Variants in RALYL observed in about 807,000 individuals in gnomAD.
RALYL encodes RNA-binding Raly-like protein.
In RALYL, 29 loss-of-function variants were observed where a neutral mutation model predicts 35.1. The observed-to-expected ratio is 0.83, with a 90% CI of 0.61 to 1.13. The LOEUF (loss-of-function observed/expected upper bound fraction) is 1.13. RALYL is among the 50% of genes most tolerant of loss of function. The probability of loss-of-function intolerance (pLI) is 0.00; values close to 1 mark genes in which losing one functional copy is unlikely to be tolerated. For missense variants in RALYL, 359 were observed against 360.4 expected (o/e 1.00, Z 0.03); for synonymous variants, 120 against 127.6 (o/e 0.94, Z 0.40).
intron 1 of RALYL, among the ~76,000 whole-genome samples, chr8:84,507,372 C>G (rs142247321): frequency 8.1e-4 from 123 of 151,818 alleles, no homozygotes; most frequent in African/African-American, 2.9e-3. Context: ...TACTAGATAC[C>G]AAAGTATAAT....
intron 1 of RALYL, among the ~76,000 whole-genome samples, chr8:84,330,762 C>T (rs1345096514): frequency 6.6e-6 from 1 of 152,040 alleles, no homozygotes; most frequent in African/African-American, 2.4e-5. Flanking sequence ...CATACTTTTT[C>T]AAACTGTGGG....
intron 1 of RALYL, among the ~76,000 whole-genome samples, chr8:84,408,325 GA>G (rs893053866): frequency 2.4e-4 from 37 of 151,970 alleles, no homozygotes; most frequent in Non-Finnish European, 4.7e-4. Context: ...AGGTTACTTA[GA>G]AAAAAACCTA....
At chr8:84,533,625 T>C (rs142785210) in intron 2 of RALYL, among the ~76,000 whole-genome samples, 2 of 152,316 alleles carry the variant, frequency 1.3e-5, no homozygotes, top group East Asian at 1.9e-4. Context: ...ATTTTTGTTC[T>C]GAAACCCATA....
intron 2 of RALYL, among the ~76,000 whole-genome samples, chr8:84,534,265 C>T (rs2059456117): frequency 6.6e-6 from 1 of 152,240 alleles, no homozygotes; most frequent in Non-Finnish European, 1.5e-5. Context: ...CCCTATGAAG[C>T]TCTGCACCAC....
chr8:84,465,149 G>C (rs1171621135), intron 1 of RALYL, among the ~76,000 whole-genome samples: 1 of 135,310 alleles, frequency 7.4e-6, no homozygotes, highest in Non-Finnish European at 1.6e-5. Flanking sequence ...AGTTTAATTA[G>C]ATCCCATTTG....
At position 84,541,131 on chromosome 8, in the gene RALYL, T is replaced by C. The variant is rs75332694; in HGVS notation, c.256+11554T>C. Among the ~76,000 whole-genome samples, 516 of 151,984 alleles carry C rather than the reference T, an allele frequency of 3.4e-3. 12 individuals are homozygous for C. In the East Asian group the frequency reaches 0.069, roughly 20 times the overall value. On this transcript the variant is annotated intron_variant, in intron 2 of 8. Coordinates refer to ENST00000521268, the MANE Select transcript of RALYL (RefSeq NM_173848.7). ...CTCTGGAATAATATCCTTTTTTTTT[T>C]CTTCTACACTTTGTGGGTTTAATTT... is the stretch of plus-strand genomic sequence containing the variant.
chr8:84,266,804 C>T (rs936178485), intron 1 of RALYL, among the ~76,000 whole-genome samples: 14 of 151,636 alleles, frequency 9.2e-5, no homozygotes, highest in Non-Finnish European at 1.9e-4. Flanking sequence ...ACTAAAAATA[C>T]AAAAAATTAG....
intron 3 of RALYL, 91 bp downstream of exon 3, chr8:84,774,745 T>C (rs548209281): frequency 6.7e-5 from 51 of 757,900 alleles, no homozygotes; most frequent in Non-Finnish European, 1.1e-4. Flanking sequence ...ATCCACTATT[T>C]AAAATAATAA....
At chr8:84,782,892 A>T (rs916211462) in intron 3 of RALYL, among the ~76,000 whole-genome samples, 1 of 152,090 alleles carries the variant, frequency 6.6e-6, no homozygotes, top group South Asian at 2.1e-4. Flanking sequence ...TCATTATTTT[A>T]TGGGTATTGT....
intron 1 of RALYL, among the ~76,000 whole-genome samples, chr8:84,470,542 C>A (rs1214897158): frequency 6.6e-6 from 1 of 151,700 alleles, no homozygotes; most frequent in African/African-American, 2.4e-5. Context: ...AGTAAATGCA[C>A]TCTTCAAATT....
intron 2 of RALYL, among the ~76,000 whole-genome samples, chr8:84,544,129 C>T (rs1313812261): frequency 6.6e-6 from 1 of 151,992 alleles, no homozygotes; most frequent in Non-Finnish European, 1.5e-5. Context: ...TTTAAAGTCA[C>T]TTGGAGTGGT....
chr8:84,505,693 C>T (rs934208766), intron 1 of RALYL, among the ~76,000 whole-genome samples: 8 of 151,334 alleles, frequency 5.3e-5, no homozygotes, highest in South Asian at 2.1e-4. Flanking sequence ...AGGTAGTTTT[C>T]GATGATTTAA....
intron 7 of RALYL, among the ~76,000 whole-genome samples, chr8:84,874,017 T>A (rs1280239854): frequency 6.6e-6 from 1 of 152,182 alleles, no homozygotes; most frequent in Non-Finnish European, 1.5e-5. Context: ...CTACAGATAT[T>A]TTTTGAGTCA....
At chr8:84,871,767 T>TA (rs1366292636) in intron 6 of RALYL, among the ~76,000 whole-genome samples, 27 of 152,058 alleles carry the variant, frequency 1.8e-4, no homozygotes, top group Admixed American at 1.3e-4. Context: ...AAGTCTGCTT[T>TA]AAAAAAAATC....
At chr8:84,354,036 C>T (rs1851395926) in intron 1 of RALYL, among the ~76,000 whole-genome samples, 1 of 147,762 alleles carries the variant, frequency 6.8e-6, no homozygotes, top group Non-Finnish European at 1.5e-5. Flanking sequence ...ATTTGCATGC[C>T]TGAGGGAATC....
chr8:84,296,897 AT>A (rs1223878583), intron 1 of RALYL, among the ~76,000 whole-genome samples: 2 of 151,950 alleles, frequency 1.3e-5, no homozygotes, highest in African/African-American at 2.4e-5. Context: ...AAATATTGGC[AT>A]TTTTTTAATG....
chr8:84,254,946 C>T (rs543643384), intron 1 of RALYL, among the ~76,000 whole-genome samples: 4 of 151,946 alleles, frequency 2.6e-5, no homozygotes, highest in East Asian at 1.9e-4. Flanking sequence ...TATGACAACA[C>T]GAACAGCATG....
chr8:84,856,215 T>C (rs1325485096), intron 5 of RALYL, among the ~76,000 whole-genome samples: 1 of 152,228 alleles, frequency 6.6e-6, no homozygotes, highest in African/African-American at 2.4e-5. Context: ...CTGGTTAAGC[T>C]TGGATAAGTC....
Position 84,754,410 on chromosome 8 carries a change from A to C in RALYL, c.257-20169A>C, listed in dbSNP as rs7010711. ...CCTCTATACCTCTCTGGAATTATTA[A>C]TTCATACTGGTGATTCTTGTCCCTC... On this transcript the variant is annotated intron_variant, in intron 2 of 8. Coordinates refer to ENST00000521268, the MANE Select transcript of RALYL (RefSeq NM_173848.7). Among the ~76,000 whole-genome samples the C allele has an allele frequency of 3.7e-3, 556 of 152,218 alleles. 5 individuals are homozygous for C. Among genetic ancestry groups the C allele is most frequent in the African/African-American group, 0.013 (534 of 41,532 alleles).
Sources: allele counts gnomAD v4.1 joint callset (sites outside exome capture counted in the v4.1 genomes callset), GRCh38; gene constraint gnomAD v4.1.1; transcripts MANE v1.5; gene names NCBI Gene and HGNC (gene_info 2026-07-23, HGNC 2026-07-21).